ITPR1: variants seen among roughly 807,000 people sequenced by gnomAD.
The protein encoded by ITPR1 is inositol 1,4,5-trisphosphate receptor type 1, also known as inositol 1,4,5-trisphosphate-gated calcium channel ITPR1.
A neutral mutation model predicts 318.4 loss-of-function variants in ITPR1; 96 were observed. That is an observed-to-expected ratio of 0.30 (90% CI 0.26 to 0.36). The LOEUF is 0.36. Ranked by LOEUF, ITPR1 falls within the 10% of genes least tolerant of loss-of-function variation. ITPR1 has a pLI of 1.00. For missense variants in ITPR1, 2,440 were observed against 3,460.2 expected, an observed-to-expected ratio of 0.71 and a Z score of 7.40; for synonymous variants, 1,312 against 1,289.9, an observed-to-expected ratio of 1.02 and a Z score of -0.37.
At chr3:4,659,034 C>CAT (rs2093774507) in intron 13 of ITPR1, among the ~76,000 whole-genome samples, 1 of 152,176 alleles carries the variant, frequency 6.6e-6, no homozygotes, top group Admixed American at 6.5e-5. Context: ...AGCAACATAT[C>CAT]ATAAGTCAGT....
chr3:4,496,963 C>A (rs1461900087), intron 2 of ITPR1, among the ~76,000 whole-genome samples: 1 of 152,190 alleles, frequency 6.6e-6, no homozygotes, highest in East Asian at 1.9e-4. Flanking sequence ...AAGGAGTCTC[C>A]ACAGGGCCAG....
At chr3:4,639,126 C>G (rs1353088535) in intron 5 of ITPR1, among the ~76,000 whole-genome samples, 2 of 152,140 alleles carry the variant, frequency 1.3e-5, no homozygotes, top group Non-Finnish European at 2.9e-5. Flanking sequence ...TACTCTCACC[C>G]TAAGCAAATA....
At chr3:4,713,238 C>G (rs1228002745) in intron 39 of ITPR1, among the ~76,000 whole-genome samples, 1 of 152,142 alleles carries the variant, frequency 6.6e-6, no homozygotes, top group Non-Finnish European at 1.5e-5. Flanking sequence ...AACTTGCTCT[C>G]CATAAAAAAG....
intron 4 of ITPR1, among the ~76,000 whole-genome samples, chr3:4,621,315 G>T (rs918738309): frequency 2.6e-5 from 4 of 152,240 alleles, no homozygotes; most frequent in Admixed American, 2.6e-4. Flanking sequence ...CATCACTCAT[G>T]ACAAGAGCAA....
intron 33 of ITPR1, among the ~76,000 whole-genome samples, chr3:4,695,297 T>G (rs988038100): frequency 6.6e-6 from 1 of 152,232 alleles, no homozygotes; most frequent in African/African-American, 2.4e-5. Flanking sequence ...TAGTTTTAAT[T>G]TACAGTTCAC....
At chr3:4,809,083 A>G (rs2048772344) in intron 55 of ITPR1, among the ~76,000 whole-genome samples, 1 of 152,220 alleles carries the variant, frequency 6.6e-6, no homozygotes, top group South Asian at 2.1e-4. Flanking sequence ...TTTACCTGTG[A>G]CATTAGTAAA....
rs1288725511 is a variant in ITPR1, at chr3:4,674,305, C to T, written c.2560C>T (p.Pro854Ser). The part of the protein sequence containing the change: ...YLRDVVCQRF[P>S]FSDKEKNKLT... ...AAGAGATGTGGTTTGTCAGAGGTTCCCTTTCTCTGATAAAGAGAAGAATAA... is the reference window on the plus strand; with the variant it reads ...AAGAGATGTGGTTTGTCAGAGGTTCTCTTTCTCTGATAAAGAGAAGAATAA... Residue 854 changes from proline (P) to serine (S), a missense_variant, in exon 22 of 62, where the codon CCT becomes TCT. Around this residue, in one of 23 missense-constraint regions of ITPR1, gnomAD observed 478 missense variants for 696.3 expected, o/e 0.69. Transcript: ENST00000649015. The T allele has an allele frequency of 6.2e-7, 1 of 1,604,492 alleles. No homozygotes were observed. Among genetic ancestry groups the T allele is most frequent in the African/African-American group, 1.3e-5 (1 of 74,676 alleles).
chr3:4,586,125 C>G (rs1260217562), intron 4 of ITPR1, among the ~76,000 whole-genome samples: 1 of 152,208 alleles, frequency 6.6e-6, no homozygotes, highest in Non-Finnish European at 1.5e-5. Context: ...GCATAGTATT[C>G]CATGGTGTAT....
At chr3:4,639,971 A>G (rs944444177) in intron 6 of ITPR1, among the ~76,000 whole-genome samples, 2 of 152,138 alleles carry the variant, frequency 1.3e-5, no homozygotes, top group African/African-American at 4.8e-5. Context: ...GTCTACTCTC[A>G]TGGGTTGCTT....
intron 8 of ITPR1, among the ~76,000 whole-genome samples, chr3:4,644,590 A>C (rs2093413415): frequency 6.6e-6 from 1 of 152,204 alleles, no homozygotes; most frequent in Non-Finnish European, 1.5e-5. Context: ...GCCTCTTTTT[A>C]ACTGTTCAAA....
chr3:4,539,212 T>TC (rs2084166878), intron 4 of ITPR1, among the ~76,000 whole-genome samples: 1 of 152,212 alleles, frequency 6.6e-6, no homozygotes, highest in Admixed American at 6.5e-5. Context: ...TTTTTATAGT[T>TC]CTGATTTTAA....
chr3:4,708,890 G>A (rs1454644580), intron 37 of ITPR1, among the ~76,000 whole-genome samples: 2 of 152,186 alleles, frequency 1.3e-5, no homozygotes, highest in African/African-American at 4.8e-5. Flanking sequence ...CTTAATGCTA[G>A]CATCTTTCCC....
intron 4 of ITPR1, among the ~76,000 whole-genome samples, chr3:4,552,564 A>G (rs914813121): frequency 6.6e-6 from 1 of 152,166 alleles, no homozygotes; most frequent in African/African-American, 2.4e-5. Flanking sequence ...GGGGCCCACT[A>G]TCCTCCCAGT....
intron 31 of ITPR1, among the ~76,000 whole-genome samples, chr3:4,690,400 G>T (rs768008452): frequency 1.3e-5 from 2 of 152,162 alleles, no homozygotes; most frequent in African/African-American, 2.4e-5. Context: ...TCAGAGAAAT[G>T]CAAATTAAGT....
At chr3:4,529,861 C>A (rs971723122) in intron 4 of ITPR1, among the ~76,000 whole-genome samples, 2 of 152,060 alleles carry the variant, frequency 1.3e-5, no homozygotes, top group African/African-American at 4.8e-5. Flanking sequence ...CATAACAACC[C>A]CATAAGTAAG....
At chr3:4,562,919 A>G (rs1469903601) in intron 4 of ITPR1, among the ~76,000 whole-genome samples, 5 of 150,750 alleles carry the variant, frequency 3.3e-5, no homozygotes, top group Non-Finnish European at 7.4e-5. Context: ...TGGAAAGAAT[A>G]TAAAATAAGG....
At chr3:4,572,349 A>G (rs2088104697) in intron 4 of ITPR1, among the ~76,000 whole-genome samples, 1 of 152,192 alleles carries the variant, frequency 6.6e-6, no homozygotes, top group Non-Finnish European at 1.5e-5. Flanking sequence ...TCAGTTTTCC[A>G]GTTATTTAAA....
intron 20 of ITPR1, 117 bp downstream of exon 20, chr3:4,671,043 G>C: frequency 1.3e-6 from 1 of 755,490 alleles, no homozygotes; most frequent in Non-Finnish European, 2.0e-6. Context: ...TTGTAAGATT[G>C]TCTAGAAAAA....
At chr3:4,777,786 A>AC (rs796211847) in intron 48 of ITPR1, among the ~76,000 whole-genome samples, 4 of 23,992 alleles carry the variant, frequency 1.7e-4, no homozygotes, top group African/African-American at 1.8e-4. Flanking sequence ...CCTATCTAGG[A>AC]CCAAAAAAAA....
Sources: gnomAD v4.1 joint callset for allele counts (sites outside exome capture counted in the v4.1 genomes callset) on GRCh38, gnomAD v4.1.1 for gene constraint, gnomAD v4.1.1 regional missense constraint, MANE v1.5 for transcripts, NCBI Gene and HGNC (gene_info 2026-07-23, HGNC 2026-07-21) for gene names.